CEP63: variants seen among roughly 807,000 people sequenced by gnomAD.
CEP63 encodes centrosomal protein of 63 kDa.
A neutral mutation model predicts 89.1 loss-of-function variants in CEP63; 84 were observed. The ratio of observed to expected loss-of-function variants is 0.94; its 90% CI spans 0.79 to 1.13. The LOEUF (loss-of-function observed/expected upper bound fraction) is 1.13. CEP63 is among the 50% of genes most tolerant of loss of function. The pLI is 0.00. For synonymous variants in CEP63, 267 were observed against 272.5 expected, an observed-to-expected ratio of 0.98 and a Z score of 0.20; for missense variants, 838 against 813.3, an observed-to-expected ratio of 1.03 and a Z score of -0.37.
the CEP63 span, among the ~76,000 whole-genome samples, chr3:134,753,734 C>T: frequency 1.3e-5 from 2 of 152,186 alleles, no homozygotes; most frequent in Non-Finnish European, 2.9e-5. Flanking sequence ...ATAATTCTGA[C>T]GCATGCACTT....
At chr3:134,650,861 G>A in the CEP63 span, 2 of 1,609,770 alleles carry the variant, frequency 1.2e-6, no homozygotes, top group Non-Finnish European at 1.7e-6. Flanking sequence ...GGGTTCGCCT[G>A]CTGGTCTGAG....
At chr3:134,607,719 A>G in the CEP63 span, 1 of 985,822 alleles carries the variant, frequency 1.0e-6, no homozygotes, top group Non-Finnish European at 1.2e-6. Flanking sequence ...AAACATACTC[A>G]GCTGCCATGG....
At chr3:134,579,261 G>C (rs1035478488), downstream of CEP63, among the ~76,000 whole-genome samples, 2 of 152,282 alleles carry the variant, frequency 1.3e-5, no homozygotes, top group Admixed American at 1.3e-4. Flanking sequence ...TTGTCCTTGG[G>C]GTAGGTTTGG....
chr3:134,696,195 G>A, the CEP63 span, among the ~76,000 whole-genome samples: 1 of 152,252 alleles, frequency 6.6e-6, no homozygotes, highest in East Asian at 1.9e-4. Context: ...ATATGTGAAA[G>A]GCAGACATGT....
chr3:134,732,436 G>C, the CEP63 span, among the ~76,000 whole-genome samples: 1 of 152,072 alleles, frequency 6.6e-6, no homozygotes, highest in South Asian at 2.1e-4. Context: ...ATGATAAAAT[G>C]TGAGAAGAAA....
intron 3 of CEP63, among the ~76,000 whole-genome samples, chr3:134,514,450 A>C (rs368609228): frequency 6.6e-6 from 1 of 152,210 alleles, no homozygotes; most frequent in East Asian, 1.9e-4. Flanking sequence ...AAAGTGAGGA[A>C]GGTCAAGTAT....
chr3:134,495,272 G>T lies in CEP63; in HGVS notation c.-25-24G>T. 2.0e-6 allele frequency: 3 copies of T among 1,527,272 alleles called. No individual in the cohort carries two copies. The South Asian group carries it at 3.4e-5, about 17-fold the overall frequency. 94.6% of individuals were successfully genotyped at this position (1,527,272 alleles called of 1,614,324 possible). A position where few individuals can be genotyped will look rare whatever the true frequency, so the allele number is the denominator to read the frequency against. On this transcript the variant is annotated intron_variant, in intron 1 of 14. Transcript: ENST00000675561. ...GAACTGAAGAAATGAATTGTCTCATGACTGATATTTTTTTCTTTGTCAGTT... is the reference window on the plus strand; with the variant it reads ...GAACTGAAGAAATGAATTGTCTCATTACTGATATTTTTTTCTTTGTCAGTT...
At chr3:134,739,758 T>C in the CEP63 span, among the ~76,000 whole-genome samples, 1 of 151,184 alleles carries the variant, frequency 6.6e-6, no homozygotes, top group Non-Finnish European at 1.5e-5. Context: ...ATGAGAATGG[T>C]ATACACAAAA....
At chr3:134,655,539 A>T in the CEP63 span, among the ~76,000 whole-genome samples, 1 of 152,184 alleles carries the variant, frequency 6.6e-6, no homozygotes, top group African/African-American at 2.4e-5. Context: ...ACCTAATGTG[A>T]CCTACCCAAG....
At chr3:134,715,646 G>A in the CEP63 span, among the ~76,000 whole-genome samples, 1 of 151,878 alleles carries the variant, frequency 6.6e-6, no homozygotes, top group African/African-American at 2.4e-5. Context: ...AGAGCAATGC[G>A]GGGCTAGGTC....
chr3:134,541,295 A>G lies in CEP63; in HGVS notation c.555+4027A>G, dbSNP rs150102119. On this transcript the variant is annotated intron_variant, in intron 6 of 14. Transcript: ENST00000675561. Reference sequence around the variant, plus strand: ...GTTCAGCGTTTCTATCTTTGATATCATACTATAAAGTCTTACCTAAGTCAA... The same window carrying G: ...GTTCAGCGTTTCTATCTTTGATATCGTACTATAAAGTCTTACCTAAGTCAA... Among the ~76,000 whole-genome samples the G allele has an allele frequency of 1.5e-3, 235 of 152,248 alleles. 1 individual carries two copies. The highest frequency in any genetic ancestry group is 5.3e-3 in the African/African-American group (220 of 41,534).
intron 10 of CEP63, among the ~76,000 whole-genome samples, chr3:134,583,598 TG>T (rs1220385801): frequency 6.6e-6 from 1 of 152,218 alleles, no homozygotes; most frequent in African/African-American, 2.4e-5. Flanking sequence ...TAGTATAGTT[TG>T]AAGTCAGGTA....
chr3:134,486,694 A>T (rs1017420238), intron 1 of CEP63: 1 of 258,408 alleles, frequency 3.9e-6, no homozygotes, highest in Non-Finnish European at 6.0e-6. Context: ...TTCACGGCAC[A>T]AGGGGACCCG....
At chr3:134,544,872 G>A (rs1039324864) in intron 6 of CEP63, among the ~76,000 whole-genome samples, 2 of 152,070 alleles carry the variant, frequency 1.3e-5, no homozygotes, top group African/African-American at 4.8e-5. Flanking sequence ...ATTTGAGACA[G>A]GTTCTTACTT....
chr3:134,559,973 A>G (rs899155143), intron 14 of CEP63, among the ~76,000 whole-genome samples: 1 of 152,192 alleles, frequency 6.6e-6, no homozygotes, highest in African/African-American at 2.4e-5. Flanking sequence ...TTCTGCACCA[A>G]AGCACTTGCC....
chr3:134,619,960 C>A, the CEP63 span: 1 of 152,368 alleles, frequency 6.6e-6, no homozygotes, highest in East Asian at 1.9e-4. Flanking sequence ...CTGTGCCAGG[C>A]GAGCTCATTC....
chr3:134,565,847 A>G (rs1171020838), downstream of CEP63, among the ~76,000 whole-genome samples: 2 of 152,164 alleles, frequency 1.3e-5, no homozygotes, highest in Admixed American at 6.5e-5. Flanking sequence ...AGCGTTTTGT[A>G]AAGTATGTGA....
chr3:134,665,882 A>G, the CEP63 span, among the ~76,000 whole-genome samples: 1 of 152,100 alleles, frequency 6.6e-6, no homozygotes, highest in Admixed American at 6.6e-5. Flanking sequence ...AAGAATGAGG[A>G]TGAGAGAAGT....
chr3:134,683,078 G>A, the CEP63 span, among the ~76,000 whole-genome samples: 1 of 152,214 alleles, frequency 6.6e-6, no homozygotes, highest in Non-Finnish European at 1.5e-5. Flanking sequence ...ACTAGCTGCA[G>A]CTACCACTGG....
Sources: allele counts gnomAD v4.1 joint callset (sites outside exome capture counted in the v4.1 genomes callset), GRCh38; gene constraint gnomAD v4.1.1; transcripts MANE v1.5; gene names NCBI Gene and HGNC (gene_info 2026-07-23, HGNC 2026-07-21).